Variants in NAV2 observed in about 807,000 individuals in gnomAD.
NAV2 encodes neuron navigator 2, also known as helicase, APC down-regulated 1.
NAV2 carries 54 observed loss-of-function variants against 223.2 expected under a neutral mutation model. That is an observed-to-expected ratio of 0.24 (90% CI 0.19 to 0.30). The LOEUF (loss-of-function observed/expected upper bound fraction) is 0.30, where lower values mean the gene tolerates loss of function less well. NAV2 is among the 10% of genes least tolerant of loss of function. NAV2 has a pLI of 1.00. For synonymous variants in NAV2, 1,279 were observed against 1,239.3 expected (o/e 1.03, Z -0.67); for missense variants, 2,806 against 3,147.5 (o/e 0.89, Z 2.60).
chr11:19,441,409 G>A (rs1247752489), intron 1 of NAV2, among the ~76,000 whole-genome samples: 3 of 151,286 alleles, frequency 2.0e-5, no homozygotes, highest in Non-Finnish European at 2.9e-5. Flanking sequence ...AGATCGGAGA[G>A]GTACAAGAAA....
intron 1 of NAV2, among the ~76,000 whole-genome samples, chr11:19,425,761 C>T (rs183541682): frequency 1.2e-4 from 18 of 152,206 alleles, no homozygotes; most frequent in South Asian, 2.1e-4. Flanking sequence ...CTTTTTCACA[C>T]GTGAATAGGT....
intron 1 of NAV2, among the ~76,000 whole-genome samples, chr11:19,752,610 A>G (rs2053923691): frequency 6.6e-6 from 1 of 152,166 alleles, no homozygotes; most frequent in African/African-American, 2.4e-5. Context: ...TACATCATGA[A>G]CACCTTTTCA....
At chr11:19,370,231 CATCAA>C (rs1848425446) in intron 1 of NAV2, among the ~76,000 whole-genome samples, 2 of 152,202 alleles carry the variant, frequency 1.3e-5, no homozygotes, top group South Asian at 4.1e-4. Flanking sequence ...TTCCCTGTTG[CATCAA>C]ATACCAATTT....
At chr11:19,857,812 G>C (rs12365410) in intron 3 of NAV2, among the ~76,000 whole-genome samples, 1 of 152,096 alleles carries the variant, frequency 6.6e-6, no homozygotes, top group Non-Finnish European at 1.5e-5. Flanking sequence ...TGATACTTCA[G>C]TTGCCATGCA....
At chr11:19,396,166 A>G (rs1299089665) in intron 1 of NAV2, among the ~76,000 whole-genome samples, 1 of 152,228 alleles carries the variant, frequency 6.6e-6, no homozygotes, top group Non-Finnish European at 1.5e-5. Flanking sequence ...AGCTATGAAA[A>G]TACAGAGGAG....
intron 1 of NAV2, among the ~76,000 whole-genome samples, chr11:19,510,094 T>C (rs986656): frequency 0.33 from 49,991 of 152,064 alleles, 8,737 homozygotes; most frequent in South Asian, 0.4. Flanking sequence ...AAGAACCTTT[T>C]AAATGGAAAA....
At chr11:19,657,742 G>A (rs548214530) in intron 1 of NAV2, among the ~76,000 whole-genome samples, 7 of 152,226 alleles carry the variant, frequency 4.6e-5, no homozygotes, top group Admixed American at 3.3e-4. Context: ...ACCCCTATGC[G>A]GGCAGAAAGT....
At chr11:20,105,836 G>T in intron 35 of NAV2, 109 bp downstream of exon 35, 1 of 867,906 alleles carries the variant, frequency 1.2e-6, no homozygotes, top group Non-Finnish European at 1.8e-6. Context: ...AAGCTGGACT[G>T]TCCATAAAGA....
rs186455608 is a variant in NAV2 at position 19,985,496 on chromosome 11, G to C, written c.2768+1249G>C. ...CAGATTTTTTCCTGTAATTAACAAA[G>C]AAAGGAATGGGTTTGAAAAGTCCAT... On this transcript the variant is annotated intron_variant, in intron 11 of 37. Transcript: ENST00000349880. 3.9e-4 allele frequency among the ~76,000 whole-genome samples: 60 copies of C among 152,080 alleles called. 1 individual carries two copies. Among genetic ancestry groups the C allele is most frequent in the African/African-American group, 1.4e-3 (56 of 41,466 alleles).
chr11:19,712,822 C>T (rs971714576), upstream of NAV2, among the ~76,000 whole-genome samples: 1 of 151,472 alleles, frequency 6.6e-6, no homozygotes, highest in African/African-American at 2.4e-5. Flanking sequence ...GCCGCAGCAG[C>T]GCCGGCAGCA....
At chr11:19,648,671 G>C (rs1406275214) in intron 1 of NAV2, among the ~76,000 whole-genome samples, 1 of 152,196 alleles carries the variant, frequency 6.6e-6, no homozygotes, top group East Asian at 1.9e-4. Flanking sequence ...CCCCCTGAGA[G>C]ATCACAGGCG....
At chr11:19,501,577 C>T (rs1272291967) in intron 1 of NAV2, among the ~76,000 whole-genome samples, 2 of 151,906 alleles carry the variant, frequency 1.3e-5, no homozygotes, top group African/African-American at 2.4e-5. Flanking sequence ...TATGTTGAGC[C>T]CAAAACATTT....
chr11:19,594,503 T>C (rs1364449430), intron 1 of NAV2, among the ~76,000 whole-genome samples: 1 of 152,040 alleles, frequency 6.6e-6, no homozygotes, highest in African/African-American at 2.4e-5. Flanking sequence ...AGGCTGCTGC[T>C]GCTGCTGCTG....
At chr11:20,001,555 CT>C (rs1448876953) in intron 11 of NAV2, among the ~76,000 whole-genome samples, 3 of 152,124 alleles carry the variant, frequency 2.0e-5, no homozygotes, top group African/African-American at 7.2e-5. Flanking sequence ...ACTCTCAGGA[CT>C]GTCTCAGCCC....
At chr11:19,784,113 T>C (rs2056938915) in intron 1 of NAV2, among the ~76,000 whole-genome samples, 1 of 151,702 alleles carries the variant, frequency 6.6e-6, no homozygotes, top group African/African-American at 2.4e-5. Context: ...TATTGGCCAG[T>C]CGCAGTGGCT....
chr11:19,415,717 C>T (rs1390263507), intron 1 of NAV2, among the ~76,000 whole-genome samples: 1 of 152,196 alleles, frequency 6.6e-6, no homozygotes, highest in Admixed American at 6.5e-5. Context: ...CAAATTGAAT[C>T]CAGCAGCACA....
At chr11:19,812,627 G>A (rs1316249038) in intron 1 of NAV2, among the ~76,000 whole-genome samples, 1 of 152,048 alleles carries the variant, frequency 6.6e-6, no homozygotes, top group African/African-American at 2.4e-5. Context: ...CCTTGGTAGT[G>A]TAACAGGTAG....
At chr11:19,531,457 G>T (rs910177326) in intron 1 of NAV2, among the ~76,000 whole-genome samples, 9 of 152,200 alleles carry the variant, frequency 5.9e-5, no homozygotes, top group African/African-American at 1.9e-4. Context: ...CTTGTCTCCA[G>T]ATAATGGTAG....
intron 5 of NAV2, among the ~76,000 whole-genome samples, chr11:19,888,065 C>T (rs962321502): frequency 3.3e-5 from 5 of 152,058 alleles, no homozygotes; most frequent in Admixed American, 2.0e-4. Flanking sequence ...GCTCTGCACA[C>T]GTTGGAGAAA....
Sources: allele counts gnomAD v4.1 joint callset (sites outside exome capture counted in the v4.1 genomes callset), GRCh38; gene constraint gnomAD v4.1.1; transcripts MANE v1.5; gene names NCBI Gene and HGNC (gene_info 2026-07-23, HGNC 2026-07-21).